THAP9: variants seen among roughly 807,000 people sequenced by gnomAD.
THAP9 encodes THAP domain containing 9, also known as DNA transposase THAP9.
THAP9 carries 20 observed loss-of-function variants against 35.7 expected under a neutral mutation model. The ratio of observed to expected loss-of-function variants is 0.56; its 90% CI spans 0.39 to 0.81. The LOEUF is 0.81. Ranked by LOEUF, THAP9 falls within the 40% of genes least tolerant of loss-of-function variation. The pLI, the probability that THAP9 is intolerant of heterozygous loss-of-function variation, is 0.00. For synonymous variants in THAP9, 335 were observed against 373.7 expected (o/e 0.90, Z 1.19); for missense variants, 870 against 1,047.4 (o/e 0.83, Z 2.34).
chr4:82,915,231 A>C (rs1429454645), intron 4 of THAP9, among the ~76,000 whole-genome samples: 4 of 134,174 alleles, frequency 3.0e-5, no homozygotes. Context: ...CCATCCTGTA[A>C]GTATGTTATT....
chr4:82,916,590 C>T (rs147702541), intron 4 of THAP9, among the ~76,000 whole-genome samples: 94 of 152,338 alleles, frequency 6.2e-4, no homozygotes, highest in African/African-American at 2.1e-3. Context: ...GATTCCTTCA[C>T]ATTCAGCAGT....
chr4:82,906,884 G>C (rs1578447082), intron 3 of THAP9, among the ~76,000 whole-genome samples: 1 of 152,248 alleles, frequency 6.6e-6, no homozygotes, highest in East Asian at 1.9e-4. Flanking sequence ...CCACTACCCA[G>C]AGATGAAACC....
chr4:82,901,350 A>G (rs966089682), intron 1 of THAP9, among the ~76,000 whole-genome samples: 4 of 152,190 alleles, frequency 2.6e-5, no homozygotes, highest in African/African-American at 4.8e-5. Flanking sequence ...TGATCATGGC[A>G]GGGAAGTTTC....
chr4:82,902,517 T>C (rs536469622), intron 1 of THAP9, among the ~76,000 whole-genome samples: 1 of 152,292 alleles, frequency 6.6e-6, no homozygotes, highest in South Asian at 2.1e-4. Flanking sequence ...TCACTAGGCA[T>C]ACCTGTTGGG....
chr4:82,905,820 T>A, intron 2 of THAP9: 1 of 455,230 alleles, frequency 2.2e-6, no homozygotes, highest in Non-Finnish European at 4.4e-6. Flanking sequence ...TCTTATATTG[T>A]ATCTTCAAAA....
At chr4:82,906,226 C>T (rs899341460) in intron 2 of THAP9, 98 bp from the exon 3 acceptor site, 184 of 1,020,074 alleles carry the variant, frequency 1.8e-4, no homozygotes, top group South Asian at 1.7e-3. Context: ...TAACTCTCCA[C>T]AGCAACCAGA....
At position 82,918,870 on chromosome 4, in the gene THAP9, T is replaced by C. The variant is rs1388986115; in HGVS notation, c.2658T>C (p.Asn886=). The change falls in exon 5 of 5, where the codon AAT becomes AAC. Residue 886 remains asparagine (N), a synonymous_variant. Coordinates refer to ENST00000302236, the MANE Select transcript of THAP9 (RefSeq NM_024672.6). ...ATTATAAATGTTCAAGTTTTGCTAA[T>C]ACCAGTAGTAAATTCAGGCATTTGC... ...VQDYKCSSFA[N]TSSKFRHLLS... is the part of the protein sequence containing the mutation. 1 of 1,611,564 alleles carries C rather than the reference T, an allele frequency of 6.2e-7. No homozygotes were observed. The highest frequency in any genetic ancestry group is 1.7e-5 in the Admixed American group (1 of 59,638).
At position 82,919,126 on chromosome 4, in the gene THAP9, T is replaced by C; in HGVS notation, c.*202T>C. 2.2e-6 allele frequency: 1 copy of C among 459,438 alleles called. No homozygotes were observed. The highest frequency in any genetic ancestry group is 3.8e-6 in the Non-Finnish European group (1 of 264,628). 28.5% of individuals were successfully genotyped at this position (459,438 alleles called of 1,614,324 possible). A position where few individuals can be genotyped will look rare whatever the true frequency, so the allele number is the denominator to read the frequency against. On this transcript the variant is annotated 3_prime_UTR_variant, in exon 5 of 5. Coordinates refer to ENST00000302236, the MANE Select transcript of THAP9 (RefSeq NM_024672.6). Reference sequence around the variant, plus strand: ...TGCAGCATTTATGAGTTTTCCAAAATATAGAAAGCAGTAGGTCAGTAGGAG... The same window carrying C: ...TGCAGCATTTATGAGTTTTCCAAAACATAGAAAGCAGTAGGTCAGTAGGAG...
intron 4 of THAP9, among the ~76,000 whole-genome samples, chr4:82,912,120 T>G (rs921119115): frequency 2.0e-5 from 3 of 152,222 alleles, no homozygotes; most frequent in Non-Finnish European, 4.4e-5. Context: ...TCCAAAACTT[T>G]CCCAAAGCTG....
chr4:82,910,839 TG>T, intron 4 of THAP9: 1 of 334,912 alleles, frequency 3.0e-6, no homozygotes. Context: ...AATTGACCAT[TG>T]GATTTTGCAA....
At chr4:82,907,757 C>G in intron 3 of THAP9, 28 bp from the exon 4 acceptor site, 1 of 1,535,566 alleles carries the variant, frequency 6.5e-7, no homozygotes, top group Non-Finnish European at 8.8e-7. Context: ...CTATTCATCA[C>G]AAAGAATAAA....
At chr4:82,909,016 C>T (rs1039948042) in intron 4 of THAP9, among the ~76,000 whole-genome samples, 1 of 152,082 alleles carries the variant, frequency 6.6e-6, no homozygotes, top group Non-Finnish European at 1.5e-5. Flanking sequence ...GACCCATTCT[C>T]CTGCCTCAGC....
rs1047135407 is a variant in THAP9, at chr4:82,919,047, T to C, written c.*123T>C. Reference sequence around the variant, plus strand: ...TGGACAAGTTTGCAATTCTGACTTATTAAAATTTCAAATTCTGCATATCAC... The same window carrying C: ...TGGACAAGTTTGCAATTCTGACTTACTAAAATTTCAAATTCTGCATATCAC... On this transcript the variant is annotated 3_prime_UTR_variant, in exon 5 of 5. Coordinates refer to ENST00000302236, the MANE Select transcript of THAP9 (RefSeq NM_024672.6). 7 of 786,432 alleles carry C rather than the reference T, an allele frequency of 8.9e-6. No homozygotes were observed. In the South Asian group the frequency reaches 8.9e-5, roughly 10 times the overall value. 48.7% of individuals were successfully genotyped at this position (786,432 alleles called of 1,614,324 possible). A position where few individuals can be genotyped will look rare whatever the true frequency, so the allele number is the denominator to read the frequency against.
intron 4 of THAP9, among the ~76,000 whole-genome samples, chr4:82,913,752 C>CA (rs1258484810): frequency 1.3e-5 from 2 of 151,182 alleles, no homozygotes; most frequent in African/African-American, 2.4e-5. Context: ...TTTTTTGAGA[C>CA]AGAGTTTCGC....
At position 82,900,801 on chromosome 4, in the gene THAP9, A is replaced by G. The variant is rs992486892; in HGVS notation, c.-2A>G. The G allele has an allele frequency of 6.2e-7, 1 of 1,613,612 alleles. No individual in the cohort carries two copies. Among genetic ancestry groups the G allele is most frequent in the African/African-American group, 1.3e-5 (1 of 74,950 alleles). On this transcript the variant is annotated 5_prime_UTR_variant, in exon 1 of 5. Transcript: ENST00000302236. Reference sequence around the variant, plus strand: ...GAAGGTGGGGCCCCACGTAACAAGAAGATGACCCGAAGTTGCTCCGCAGTG... The same window carrying G: ...GAAGGTGGGGCCCCACGTAACAAGAGGATGACCCGAAGTTGCTCCGCAGTG...
chr4:82,917,510 A>G lies in THAP9; in HGVS notation c.1298A>G (p.Gln433Arg), dbSNP rs1721078571. Reference protein sequence around the residue: ...RNAFQNFQSIQFINGIAHWQH... With the variant: ...RNAFQNFQSIRFINGIAHWQH... ...GCATTTCAGAATTTTCAAAGCATTCAGTTTATTAATGGTATAGCACATTGG... is the reference window on the plus strand; with the variant it reads ...GCATTTCAGAATTTTCAAAGCATTCGGTTTATTAATGGTATAGCACATTGG... The change falls in exon 5 of 5, where the codon CAG becomes CGG. Residue 433 changes from glutamine to arginine, a missense_variant. Transcript: ENST00000302236. The G allele has an allele frequency of 1.2e-6, 2 of 1,612,964 alleles. No homozygotes were observed. The highest frequency in any genetic ancestry group is 1.7e-5 in the Admixed American group (1 of 59,980).
Position 82,906,596 on chromosome 4 carries a change from AAC to A in THAP9, c.551_552del (p.Thr184ArgfsTer12). 6.2e-7 allele frequency: 1 copy of A among 1,607,952 alleles called. No individual in the cohort carries two copies. The highest frequency in any genetic ancestry group is 8.5e-7 in the Non-Finnish European group (1 of 1,176,770). ...TAGAAGAGAAACTACTTTCTGAAGA[AAC>A]AGAGTGTCTGCTACGAGCTCAATTT... Reference protein sequence around the residue: ...LVEEKLLSEETECLLRAQFSD... With the variant: ...LVEEKLLSEEXECLLRAQFSD... On this transcript the variant is annotated frameshift_variant, in exon 3 of 5. Coordinates refer to ENST00000302236, the MANE Select transcript of THAP9 (RefSeq NM_024672.6). LOFTEE classifies it high-confidence loss of function.
chr4:82,905,022 CA>C (rs1179817131), intron 2 of THAP9, 91 bp downstream of exon 2: 10 of 1,186,692 alleles, frequency 8.4e-6, no homozygotes, highest in Admixed American at 5.3e-5. Flanking sequence ...AATTTGCAGA[CA>C]AAAAAACCCA....
chr4:82,910,428 C>G (rs1193408870), intron 4 of THAP9, among the ~76,000 whole-genome samples: 1 of 88,242 alleles, frequency 1.1e-5, no homozygotes, highest in Admixed American at 1.4e-4. Flanking sequence ...TGTATATCCT[C>G]CAAGTTAAAT....
Sources: gnomAD v4.1 joint callset for allele counts (sites outside exome capture counted in the v4.1 genomes callset) on GRCh38, gnomAD v4.1.1 for gene constraint, MANE v1.5 for transcripts, NCBI Gene and HGNC (gene_info 2026-07-23, HGNC 2026-07-21) for gene names.